Variants in CSMD1 observed in about 807,000 individuals in gnomAD.
The protein encoded by CSMD1 is CUB and sushi domain-containing protein 1.
A neutral mutation model predicts 417.5 loss-of-function variants in CSMD1; 213 were observed. The ratio of observed to expected loss-of-function variants is 0.51; its 90% CI spans 0.46 to 0.57. The LOEUF (loss-of-function observed/expected upper bound fraction) is 0.57, where lower values mean the gene tolerates loss of function less well. CSMD1 is among the 20% of genes least tolerant of loss of function. The pLI, the probability that CSMD1 is intolerant of heterozygous loss-of-function variation, is 0.00. For synonymous variants in CSMD1, 2,862 were observed against 1,736.8 expected (o/e 1.65, Z -16.11); for missense variants, 6,923 against 4,529.7 (o/e 1.53, Z -15.17).
intron 5 of CSMD1, among the ~76,000 whole-genome samples, chr8:3,793,925 G>C (rs907244351): frequency 1.3e-5 from 2 of 152,072 alleles, no homozygotes; most frequent in African/African-American, 2.4e-5. Flanking sequence ...TGATTCTCTT[G>C]ATACTCTCCC....
chr8:4,884,869 A>G (rs984604926), intron 1 of CSMD1, among the ~76,000 whole-genome samples: 2 of 151,996 alleles, frequency 1.3e-5, no homozygotes, highest in African/African-American at 4.8e-5. Flanking sequence ...TTCAACATAA[A>G]TTTTAGGGTC....
intron 1 of CSMD1, among the ~76,000 whole-genome samples, chr8:4,931,461 C>T (rs1039726408): frequency 6.6e-5 from 10 of 152,158 alleles, no homozygotes; most frequent in African/African-American, 2.4e-4. Context: ...CCAGCCTGCC[C>T]ACCGTCTGTC....
rs866731180 is a variant in CSMD1 at position 3,262,210 on chromosome 8, T to C, written c.4153+21934A>G. Among the ~76,000 whole-genome samples, 12 of 99,140 alleles carry C rather than the reference T, an allele frequency of 1.2e-4. 1 individual carries two copies. The Middle Eastern group carries it at 0.016, about 132-fold the overall frequency. 65.0% of individuals were successfully genotyped at this position (99,140 alleles called of 152,430 possible). A position where few individuals can be genotyped will look rare whatever the true frequency, so the allele number is the denominator to read the frequency against. On this transcript the variant is annotated intron_variant, in intron 26 of 69. Transcript: ENST00000635120. Reference sequence around the variant, plus strand: ...ATATATATATATATATATATATATATATATATATATATATATATATACACA... The same window carrying C: ...ATATATATATATATATATATATATACATATATATATATATATATATACACA...
intron 1 of CSMD1, among the ~76,000 whole-genome samples, chr8:4,640,430 T>C (rs553600828): frequency 3.9e-5 from 6 of 152,294 alleles, no homozygotes; most frequent in Admixed American, 1.3e-4. Context: ...TAAGCCTAAA[T>C]AGCCAGTGGA....
At chr8:3,318,786 G>C (rs535221657) in intron 23 of CSMD1, among the ~76,000 whole-genome samples, 21 of 152,178 alleles carry the variant, frequency 1.4e-4, no homozygotes, top group Non-Finnish European at 2.6e-4. Context: ...CCGAGCACAG[G>C]GCAGCCCACA....
chr8:3,456,915 T>G (rs1431993790), intron 12 of CSMD1, among the ~76,000 whole-genome samples: 1 of 152,016 alleles, frequency 6.6e-6, no homozygotes, highest in East Asian at 1.9e-4. Flanking sequence ...ATTCTACACT[T>G]CATGCTGGAG....
intron 1 of CSMD1, among the ~76,000 whole-genome samples, chr8:4,758,852 G>A (rs950860441): frequency 6.6e-6 from 1 of 152,052 alleles, no homozygotes; most frequent in African/African-American, 2.4e-5. Flanking sequence ...TCAAAACCTG[G>A]GGATTACAAT....
Position 3,052,315 on chromosome 8 carries a change from T to C in CSMD1, c.7660+147A>G, listed in dbSNP as rs575801068. The C allele has an allele frequency of 1.7e-3, 989 of 591,068 alleles. 4 individuals carry two copies. Among genetic ancestry groups the C allele is most frequent in the Non-Finnish European group, 2.4e-3 (824 of 338,410 alleles). The allele number at this position is 591,068 out of a possible 1,614,324, so 36.6% of individuals were successfully genotyped here. ...CTGAAAATATTTTATATGAAATACA[T>C]TGGTTTTAATATTGCTATGATGAAA... On this transcript the variant is annotated intron_variant, in intron 50 of 69. Coordinates refer to ENST00000635120, the MANE Select transcript of CSMD1 (RefSeq NM_033225.6).
rs993594898 is a variant in CSMD1 at position 4,169,901 on chromosome 8, G to A, written c.416-137802C>T. Among the ~76,000 whole-genome samples, 31 of 149,790 alleles carry A rather than the reference G, an allele frequency of 2.1e-4. 1 individual carries two copies. The highest frequency in any genetic ancestry group is 7.7e-4 in the African/African-American group (30 of 39,188). The stretch of plus-strand genomic sequence containing the variant: ...TTACTTCTGTTTTCTATGAGTACCT[G>A]TTTCCACTATTATTATAGAACGTAA... On this transcript the variant is annotated intron_variant, in intron 3 of 69. Transcript: ENST00000635120.
rs1223991272 is a variant in CSMD1, at chr8:4,395,036, C to CAT, written c.415+24915_415+24916dup. On this transcript the variant is annotated intron_variant, in intron 3 of 69. Transcript: ENST00000635120. ...CCCTTTCCCTCTGCGTGGCATATCC[C>CAT]ATATCCCTTTCCCGTGCTGGACAGC... 5.9e-5 allele frequency among the ~76,000 whole-genome samples: 9 copies of CAT among 152,260 alleles called. No individual in the cohort carries two copies. The East Asian group carries it at 1.7e-3, about 29-fold the overall frequency.
At chr8:4,123,766 C>G (rs1802612777) in intron 3 of CSMD1, among the ~76,000 whole-genome samples, 1 of 152,126 alleles carries the variant, frequency 6.6e-6, no homozygotes, top group South Asian at 2.1e-4. Context: ...TGATAATTTA[C>G]TGATGATGAA....
intron 1 of CSMD1, among the ~76,000 whole-genome samples, chr8:4,697,330 A>C (rs965914798): frequency 3.0e-4 from 45 of 152,158 alleles, no homozygotes; most frequent in Non-Finnish European, 8.8e-5. Flanking sequence ...CTTCTCACCA[A>C]AAGTTGCATT....
At chr8:3,175,500 C>T (rs1351159499) in intron 37 of CSMD1, among the ~76,000 whole-genome samples, 1 of 112,280 alleles carries the variant, frequency 8.9e-6, no homozygotes, top group Non-Finnish European at 1.8e-5. Flanking sequence ...TGCCTGCCTG[C>T]CTGCCTGCCT....
chr8:3,041,746 T>A (rs763152224), intron 50 of CSMD1, among the ~76,000 whole-genome samples: 86 of 152,344 alleles, frequency 5.6e-4, no homozygotes, highest in Non-Finnish European at 1.1e-3. Context: ...TATAAACCGA[T>A]AAACTTCATA....
chr8:4,662,934 G>A (rs750239741), intron 1 of CSMD1, among the ~76,000 whole-genome samples: 2 of 152,214 alleles, frequency 1.3e-5, no homozygotes, highest in African/African-American at 2.4e-5. Context: ...AGGAAAGAAA[G>A]GCTAAAGAGG....
chr8:4,161,934 TTCAG>T (rs1216853287), intron 3 of CSMD1, among the ~76,000 whole-genome samples: 5 of 152,214 alleles, frequency 3.3e-5, no homozygotes, highest in Non-Finnish European at 5.9e-5. Context: ...CGTTTAAATA[TTCAG>T]TAAGTATAGT....
At chr8:3,959,228 G>A (rs1169263439) in intron 5 of CSMD1, among the ~76,000 whole-genome samples, 2 of 152,192 alleles carry the variant, frequency 1.3e-5, no homozygotes, top group African/African-American at 4.8e-5. Context: ...GACAGAGCAG[G>A]GTGGGACACG....
chr8:3,489,064 C>A (rs997577717), intron 11 of CSMD1, among the ~76,000 whole-genome samples: 3 of 152,172 alleles, frequency 2.0e-5, no homozygotes, highest in South Asian at 4.1e-4. Flanking sequence ...GATACACACA[C>A]AAATACACAC....
At chr8:3,949,285 T>C (rs1432128601) in intron 5 of CSMD1, among the ~76,000 whole-genome samples, 2 of 152,150 alleles carry the variant, frequency 1.3e-5, no homozygotes, top group East Asian at 1.9e-4. Flanking sequence ...TGTTGTACAA[T>C]GGAGCTCTTA....
Sources: allele counts gnomAD v4.1 joint callset (sites outside exome capture counted in the v4.1 genomes callset), GRCh38; gene constraint gnomAD v4.1.1; transcripts MANE v1.5; gene names NCBI Gene and HGNC (gene_info 2026-07-23, HGNC 2026-07-21).